The following SPAG16 variants were observed in gnomAD, a reference collection of about 807,000 sequenced individuals.
The protein encoded by SPAG16 is sperm-associated antigen 16 protein.
Under a neutral mutation model 80.4 loss-of-function variants are expected in SPAG16, and 86 were observed. The observed-to-expected ratio is 1.07, with a 90% CI of 0.90 to 1.28. The LOEUF is 1.28. SPAG16 is among the 50% of genes most tolerant of loss of function. The pLI is 0.00. For missense variants in SPAG16, 870 were observed against 765.3 expected, an observed-to-expected ratio of 1.14 and a Z score of -1.61; for synonymous variants, 294 against 265.9, an observed-to-expected ratio of 1.11 and a Z score of -1.03.
chr2:214,198,430 T>C (rs1253562000), intron 15 of SPAG16, among the ~76,000 whole-genome samples: 1 of 152,134 alleles, frequency 6.6e-6, no homozygotes, highest in South Asian at 2.1e-4. Context: ...CAAAAAGATA[T>C]TATTTCATTC....
At chr2:213,468,680 G>A (rs1559163545) in intron 9 of SPAG16, among the ~76,000 whole-genome samples, 4 of 146,026 alleles carry the variant, frequency 2.7e-5, no homozygotes, top group Admixed American at 6.9e-5. Flanking sequence ...GTATATATAT[G>A]TGTGTGTATA....
intron 15 of SPAG16, among the ~76,000 whole-genome samples, chr2:214,278,909 A>C (rs1011562172): frequency 1.3e-5 from 2 of 152,242 alleles, no homozygotes; most frequent in African/African-American, 4.8e-5. Context: ...CTGTGATTAC[A>C]GACATTACCG....
In SPAG16 at chr2:213,450,276, C is replaced by T. The variant is rs2071606109; in HGVS notation, c.943-39687C>T. 2.0e-5 allele frequency among the ~76,000 whole-genome samples: 3 copies of T among 152,298 alleles called. No individual in the cohort carries two copies. In the South Asian group the frequency reaches 6.2e-4, roughly 32 times the overall value. ...CCAAGATTGTGCCACTGCACTCCAGCCTGGGCGACAGAGCCAGACTCTGTC... is the reference window on the plus strand; with the variant it reads ...CCAAGATTGTGCCACTGCACTCCAGTCTGGGCGACAGAGCCAGACTCTGTC... On this transcript the variant is annotated intron_variant, in intron 9 of 15. Transcript: ENST00000331683.
intron 15 of SPAG16, among the ~76,000 whole-genome samples, chr2:214,215,780 C>A (rs1201305910): frequency 6.6e-6 from 1 of 152,194 alleles, no homozygotes; most frequent in Non-Finnish European, 1.5e-5. Flanking sequence ...CCTCTGTCAA[C>A]CATTACTATA....
intron 10 of SPAG16, among the ~76,000 whole-genome samples, chr2:213,625,516 T>A (rs1451682993): frequency 6.6e-6 from 1 of 152,196 alleles, no homozygotes; most frequent in Non-Finnish European, 1.5e-5. Flanking sequence ...TTCTTTAAGG[T>A]TTATTTTACA....
chr2:214,065,540 A>C (rs1344005228), intron 13 of SPAG16, among the ~76,000 whole-genome samples: 1 of 152,102 alleles, frequency 6.6e-6, no homozygotes, highest in Non-Finnish European at 1.5e-5. Context: ...AGAATGGAAT[A>C]GTCAAATAAA....
intron 15 of SPAG16, chr2:214,240,177 G>A (rs1388935570): frequency 6.6e-6 from 1 of 152,052 alleles, no homozygotes; most frequent in Non-Finnish European, 1.5e-5. Context: ...TTTCCACCTT[G>A]CCCTGGTGGA....
intron 10 of SPAG16, among the ~76,000 whole-genome samples, chr2:213,742,613 G>T (rs567789922): frequency 6.9e-6 from 1 of 145,664 alleles, no homozygotes; most frequent in East Asian, 2.0e-4. Context: ...AGTGCGTGGC[G>T]CAATCTCGCC....
chr2:214,085,231 G>C (rs1349337273), intron 13 of SPAG16, among the ~76,000 whole-genome samples: 1 of 152,040 alleles, frequency 6.6e-6, no homozygotes, highest in Non-Finnish European at 1.5e-5. Context: ...AATTAGCCAG[G>C]CATGGTGGTG....
At position 213,872,572 on chromosome 2, in the gene SPAG16, T is replaced by C. The variant is rs996863323; in HGVS notation, c.1214+9944T>C. Among the ~76,000 whole-genome samples the C allele has an allele frequency of 2.0e-5, 3 of 152,126 alleles. No homozygotes were observed. In the East Asian group the frequency reaches 5.8e-4, roughly 29 times the overall value. On this transcript the variant is annotated intron_variant, in intron 11 of 15. Transcript: ENST00000331683. The stretch of plus-strand genomic sequence containing the variant: ...CTTTTTCCTTTCTCATCTAGATACC[T>C]TTGATTGTTTTTTTGTTATCAAATT...
intron 10 of SPAG16, among the ~76,000 whole-genome samples, chr2:213,547,782 A>G (rs955312773): frequency 2.4e-4 from 36 of 152,218 alleles, no homozygotes; most frequent in Non-Finnish European, 2.8e-4. Context: ...ATTCATTTAT[A>G]TGCAAACAAG....
intron 6 of SPAG16, among the ~76,000 whole-genome samples, chr2:213,347,227 T>G (rs1575297287): frequency 6.6e-6 from 1 of 152,204 alleles, no homozygotes; most frequent in African/African-American, 2.4e-5. Flanking sequence ...GGATCGGTGG[T>G]GATATCCCCT....
intron 10 of SPAG16, among the ~76,000 whole-genome samples, chr2:213,853,408 T>C (rs2075004248): frequency 6.6e-6 from 1 of 152,212 alleles, no homozygotes; most frequent in Non-Finnish European, 1.5e-5. Context: ...TTGAAGTATA[T>C]ATCATGTGGT....
chr2:213,359,743 G>A (rs768212069), intron 7 of SPAG16, among the ~76,000 whole-genome samples: 5 of 152,222 alleles, frequency 3.3e-5, no homozygotes, highest in Admixed American at 6.5e-5. Context: ...GTGAGGCAAC[G>A]CCCTGCCCTG....
intron 9 of SPAG16, among the ~76,000 whole-genome samples, chr2:213,438,666 G>A (rs1451487913): frequency 6.6e-6 from 1 of 152,110 alleles, no homozygotes; most frequent in Admixed American, 6.5e-5. Flanking sequence ...TTGATTGTGG[G>A]CAAAACCTGT....
At chr2:214,195,224 G>A (rs776851028) in intron 15 of SPAG16, among the ~76,000 whole-genome samples, 2 of 141,042 alleles carry the variant, frequency 1.4e-5, no homozygotes, top group Admixed American at 7.2e-5. Context: ...GCAAGTTCTA[G>A]GAAGAGTTAA....
At chr2:213,735,178 A>G (rs2067227982) in intron 10 of SPAG16, among the ~76,000 whole-genome samples, 2 of 152,294 alleles carry the variant, frequency 1.3e-5, no homozygotes, top group African/African-American at 2.4e-5. Context: ...AATAATGGTT[A>G]TCTTTTATAA....
intron 3 of SPAG16, among the ~76,000 whole-genome samples, chr2:213,303,337 A>G (rs1455220502): frequency 6.6e-6 from 1 of 152,046 alleles, no homozygotes; most frequent in Non-Finnish European, 1.5e-5. Flanking sequence ...CAGGTGTACA[A>G]TGTGCAATAA....
intron 15 of SPAG16, among the ~76,000 whole-genome samples, chr2:214,171,296 C>T (rs2125634429): frequency 6.6e-6 from 1 of 151,898 alleles, no homozygotes; most frequent in South Asian, 2.1e-4. Flanking sequence ...ATTTTTGACT[C>T]CTTTACATTG....
Sources: gnomAD v4.1 joint callset for allele counts (sites outside exome capture counted in the v4.1 genomes callset) on GRCh38, gnomAD v4.1.1 for gene constraint, MANE v1.5 for transcripts, NCBI Gene and HGNC (gene_info 2026-07-23, HGNC 2026-07-21) for gene names.